Variants in ANKS1B observed in about 807,000 individuals in gnomAD.
ANKS1B encodes the protein ankyrin repeat and sterile alpha motif domain-containing protein 1B.
Under a neutral mutation model 148.3 loss-of-function variants are expected in ANKS1B, and 36 were observed. The ratio of observed to expected loss-of-function variants is 0.24; its 90% CI spans 0.19 to 0.32. The LOEUF (loss-of-function observed/expected upper bound fraction) is 0.32, where lower values mean the gene tolerates loss of function less well. Among genes scored for constraint, ANKS1B ranks in the 10% least tolerant of loss-of-function variants. The pLI is 1.00. For missense variants in ANKS1B, 1,157 were observed against 1,542.6 expected (o/e 0.75, Z 4.19); for synonymous variants, 542 against 560.8 (o/e 0.97, Z 0.47).
chr12:98,920,920 C>A (rs1217246976), intron 17 of ANKS1B, among the ~76,000 whole-genome samples: 2 of 152,036 alleles, frequency 1.3e-5, no homozygotes, highest in Non-Finnish European at 2.9e-5. Flanking sequence ...AATCAGCTGG[C>A]AAAAGCTAAG....
intron 9 of ANKS1B, among the ~76,000 whole-genome samples, chr12:99,620,325 C>G (rs1365604478): frequency 1.3e-5 from 2 of 152,178 alleles, no homozygotes. Flanking sequence ...CATGAAAAAT[C>G]TGAATGTAGT....
At chr12:99,704,567 CAT>C (rs897158485) in intron 8 of ANKS1B, among the ~76,000 whole-genome samples, 4 of 144,570 alleles carry the variant, frequency 2.8e-5, no homozygotes, top group African/African-American at 5.1e-5. Flanking sequence ...CATACACATA[CAT>C]ATACACACAC....
At chr12:98,854,850 A>C (rs2099553555) in intron 17 of ANKS1B, among the ~76,000 whole-genome samples, 1 of 152,152 alleles carries the variant, frequency 6.6e-6, no homozygotes, top group Admixed American at 6.5e-5. Context: ...GACAATTTTA[A>C]TCTGAATAAA....
intron 3 of ANKS1B, 81 bp from the exon 4 acceptor site, chr12:99,806,781 G>T: frequency 1.6e-6 from 2 of 1,257,994 alleles, no homozygotes; most frequent in Non-Finnish European, 2.2e-6. Context: ...TTTAAAACCT[G>T]CAATGCTTTG....
chr12:99,664,520 A>C (rs2153457977), intron 8 of ANKS1B, among the ~76,000 whole-genome samples: 1 of 152,294 alleles, frequency 6.6e-6, no homozygotes, highest in Admixed American at 6.5e-5. Context: ...TGGCATTTTC[A>C]AAAAGCTGAG....
intron 14 of ANKS1B, among the ~76,000 whole-genome samples, chr12:99,194,153 C>T (rs1160324619): frequency 1.3e-5 from 2 of 151,968 alleles, no homozygotes; most frequent in Non-Finnish European, 1.5e-5. Context: ...GTAAGTTTAA[C>T]CAGAATACAT....
chr12:99,093,903 G>T (rs2153655114), intron 15 of ANKS1B, among the ~76,000 whole-genome samples: 1 of 152,308 alleles, frequency 6.6e-6, no homozygotes, highest in Admixed American at 6.5e-5. Flanking sequence ...TAAGGGTGAA[G>T]GTAGTGGTGA....
At chr12:98,902,263 G>C (rs1238027631) in intron 17 of ANKS1B, among the ~76,000 whole-genome samples, 2 of 152,212 alleles carry the variant, frequency 1.3e-5, no homozygotes, top group African/African-American at 4.8e-5. Context: ...TGCAGCCTTT[G>C]CTTAGAACTG....
At chr12:99,199,035 C>T (rs1010930477) in intron 14 of ANKS1B, among the ~76,000 whole-genome samples, 1 of 152,174 alleles carries the variant, frequency 6.6e-6, no homozygotes, top group African/African-American at 2.4e-5. Context: ...GGTCTTCCAG[C>T]AAAAGCTAGT....
intron 9 of ANKS1B, among the ~76,000 whole-genome samples, chr12:99,550,570 G>A (rs2097208591): frequency 6.6e-6 from 1 of 151,306 alleles, no homozygotes; most frequent in African/African-American, 2.4e-5. Context: ...GTTGCAGTTA[G>A]CCATGTTTGG....
intron 17 of ANKS1B, among the ~76,000 whole-genome samples, chr12:99,024,029 G>A (rs1008518157): frequency 6.6e-6 from 1 of 151,098 alleles, no homozygotes; most frequent in African/African-American, 2.4e-5. Flanking sequence ...TTGCAGTGCC[G>A]AGAATTGAGG....
At chr12:99,714,072 C>T (rs900394217) in intron 8 of ANKS1B, among the ~76,000 whole-genome samples, 2 of 152,122 alleles carry the variant, frequency 1.3e-5, no homozygotes, top group African/African-American at 4.8e-5. Context: ...GTGTCATAAT[C>T]TTCATTCCTT....
At chr12:98,735,283 T>A (rs1023326440) in exon 10 of ANKS1B, 7 of 392,692 alleles carry the variant, frequency 1.8e-5, no homozygotes, top group African/African-American at 1.0e-4. Context: ...ATATATATAA[T>A]TTTTTTTTAC....
intron 11 of ANKS1B, among the ~76,000 whole-genome samples, chr12:99,405,893 C>T (rs1441929838): frequency 1.4e-5 from 2 of 145,166 alleles, no homozygotes; most frequent in Admixed American, 6.8e-5. Flanking sequence ...CGTAGCTATA[C>T]TGATATGACA....
chr12:99,878,688 T>C (rs564715882), intron 1 of ANKS1B, among the ~76,000 whole-genome samples: 2 of 152,188 alleles, frequency 1.3e-5, no homozygotes, highest in Non-Finnish European at 2.9e-5. Context: ...CCGGGATACA[T>C]GTGCTGAATG....
intron 17 of ANKS1B, among the ~76,000 whole-genome samples, chr12:98,978,311 T>C (rs1416480337): frequency 6.6e-6 from 1 of 152,218 alleles, no homozygotes; most frequent in South Asian, 2.1e-4. Context: ...TTATTAGTTA[T>C]ACCTCCTTTT....
intron 4 of ANKS1B, among the ~76,000 whole-genome samples, chr12:99,789,564 A>G (rs111452667): frequency 1.4e-3 from 212 of 152,356 alleles, no homozygotes; most frequent in African/African-American, 4.8e-3. Flanking sequence ...AAGATAACAC[A>G]GAGAAGGAAT....
chr12:98,951,208 T>C (rs2099853575), intron 17 of ANKS1B, among the ~76,000 whole-genome samples: 1 of 152,214 alleles, frequency 6.6e-6, no homozygotes, highest in South Asian at 2.1e-4. Flanking sequence ...CCAGTCTTCC[T>C]GGCTTTAGTG....
chr12:99,224,141 T>C (rs2085520861), intron 14 of ANKS1B, among the ~76,000 whole-genome samples: 1 of 152,122 alleles, frequency 6.6e-6, no homozygotes, highest in East Asian at 1.9e-4. Context: ...GAATGATCCA[T>C]GTTTGAATAT....
Sources: gnomAD v4.1 joint callset for allele counts (sites outside exome capture counted in the v4.1 genomes callset) on GRCh38, gnomAD v4.1.1 for gene constraint, MANE v1.5 for transcripts, NCBI Gene and HGNC (gene_info 2026-07-23, HGNC 2026-07-21) for gene names.